FUNDC1: variants seen among roughly 807,000 people sequenced by gnomAD.
FUNDC1 encodes FUN14 domain-containing protein 1.
A neutral mutation model predicts 14.5 loss-of-function variants in FUNDC1; 10 were observed. The observed-to-expected ratio is 0.69, with a 90% CI of 0.43 to 1.17. The LOEUF (loss-of-function observed/expected upper bound fraction) is 1.17. Among genes scored for constraint, FUNDC1 ranks in the 50% most tolerant of loss-of-function variants. FUNDC1 has a pLI of 0.00. For missense variants in FUNDC1, 115 were observed against 113.8 expected, an observed-to-expected ratio of 1.01 and a Z score of -0.05; for synonymous variants, 33 against 39.7, an observed-to-expected ratio of 0.83 and a Z score of 0.64.
At chrX:44,535,543 G>A (rs998260852) in intron 3 of FUNDC1, among the ~76,000 whole-genome samples, 4 of 106,940 alleles carry the variant, frequency 3.7e-5, no homozygotes, top group Middle Eastern at 4.3e-3. Flanking sequence ...GGTGGCGGGC[G>A]CCTGTTGTCC....
rs758033443 is a variant in FUNDC1, at chrX:44,524,263, T to C, written c.403A>G (p.Ile135Val). ...CTGGATATCACAATGTTCTGCTTGATAAATTCTGTTGCCTGAAACAAAGTT... is the reference window on the plus strand; with the variant it reads ...CTGGATATCACAATGTTCTGCTTGACAAATTCTGTTGCCTGAAACAAAGTT... ...NNLIEEATEF[I>V]KQNIVISSGF... Residue 135 changes from isoleucine (I) to valine (V), a missense_variant, in exon 5 of 5, where the codon ATC (isoleucine) becomes GTC (valine). Transcript: ENST00000378045. 16 of 1,197,950 alleles carry C rather than the reference T, an allele frequency of 1.3e-5. No homozygotes were observed. The highest frequency in any genetic ancestry group is 1.1e-4 in the Admixed American group (5 of 45,788).
intron 2 of FUNDC1, among the ~76,000 whole-genome samples, chrX:44,541,443 A>T (rs2038971034): frequency 9.0e-6 from 1 of 111,623 alleles, no homozygotes; most frequent in Non-Finnish European, 1.9e-5. Flanking sequence ...AAGAGTTATC[A>T]TAATCTGAAC....
chrX:44,531,293 AGATGAAGATT>A lies in FUNDC1; in HGVS notation c.262-3938_262-3929del, dbSNP rs1569187061. Among the ~76,000 whole-genome samples, 45 of 39,634 alleles carry A rather than the reference AGATGAAGATT, an allele frequency of 1.1e-3. 3 individuals carry two copies. In the African/African-American group the frequency reaches 0.015, roughly 13 times the overall value. 34.4% of individuals were successfully genotyped at this position (39,634 alleles called of 115,157 possible). On this transcript the variant is annotated intron_variant, in intron 3 of 4. Transcript: ENST00000378045. ...ACACACACACACACACACGGCTTTC[AGATGAAGATT>A]CATGTTGGCCAGACACACACACACA...
At chrX:44,533,116 A>C (rs1235110795) in intron 3 of FUNDC1, among the ~76,000 whole-genome samples, 2 of 111,882 alleles carry the variant, frequency 1.8e-5, no homozygotes, top group Non-Finnish European at 3.8e-5. Context: ...TCTATCTTCG[A>C]ATTAGAGAAG....
intron 3 of FUNDC1, among the ~76,000 whole-genome samples, chrX:44,532,597 G>A (rs2038931075): frequency 1.9e-5 from 2 of 106,128 alleles, no homozygotes; most frequent in Non-Finnish European, 3.9e-5. Flanking sequence ...TTGTCACCCA[G>A]GCTGGCGTGC....
chrX:44,542,081 AGTC>A lies in FUNDC1; in HGVS notation c.46_48del (p.Asp16del). Reference sequence around the variant, plus strand: ...TCAGTTAAATCCAACACTTCATAAGAGTCGTCATCACTTTCATAGTCTTCAAAA... The same window carrying A: ...TCAGTTAAATCCAACACTTCATAAGAGTCATCACTTTCATAGTCTTCAAAA... On this transcript the variant is annotated inframe_deletion, in exon 2 of 5. Coordinates refer to ENST00000378045, the MANE Select transcript of FUNDC1 (RefSeq NM_173794.4). 2.5e-6 allele frequency: 3 copies of A among 1,198,933 alleles called. No homozygotes were observed. The highest frequency in any genetic ancestry group is 2.3e-6 in the Non-Finnish European group (2 of 887,672).
intron 3 of FUNDC1, among the ~76,000 whole-genome samples, chrX:44,535,902 C>T (rs1188352220): frequency 1.9e-5 from 2 of 106,479 alleles, no homozygotes; most frequent in Non-Finnish European, 3.9e-5. Flanking sequence ...AAGAGAATCG[C>T]TTGAACCCAG....
At chrX:44,528,869 T>A (rs1250734321) in intron 3 of FUNDC1, among the ~76,000 whole-genome samples, 1 of 110,816 alleles carries the variant, frequency 9.0e-6, no homozygotes. Context: ...GCTGATTTTT[T>A]GTTTTTTAGT....
chrX:44,529,795 G>C (rs762163991), intron 3 of FUNDC1, among the ~76,000 whole-genome samples: 1 of 110,948 alleles, frequency 9.0e-6, no homozygotes, highest in South Asian at 3.8e-4. Flanking sequence ...TTGAGAATCT[G>C]TTCCCTTGCA....
chrX:44,540,417 TGTGTGTG>T (rs1184128262), intron 2 of FUNDC1, among the ~76,000 whole-genome samples: 3 of 89,509 alleles, frequency 3.4e-5, no homozygotes, highest in African/African-American at 1.3e-4. Flanking sequence ...GTGTGTGTTG[TGTGTGTG>T]TGTGTGTGTG....
At chrX:44,533,644 A>AC (rs2038935763) in intron 3 of FUNDC1, among the ~76,000 whole-genome samples, 2 of 105,446 alleles carry the variant, frequency 1.9e-5, no homozygotes, top group African/African-American at 7.2e-5. Context: ...AAAAAAAAAA[A>AC]AAAAACAACA....
At chrX:44,527,434 A>T in intron 3 of FUNDC1, 69 bp from the exon 4 acceptor site, 1 of 805,322 alleles carries the variant, frequency 1.2e-6, no homozygotes, top group East Asian at 3.5e-5. Context: ...AGCCAAGAAT[A>T]TATAAACACT....
intron 3 of FUNDC1, among the ~76,000 whole-genome samples, chrX:44,536,124 C>T (rs2038948124): frequency 9.1e-6 from 1 of 109,682 alleles, no homozygotes; most frequent in Non-Finnish European, 1.9e-5. Context: ...CCAGCCTGGC[C>T]AAGATGGTGA....
chrX:44,542,210 C>A, intron 1 of FUNDC1, 109 bp from the exon 2 acceptor site: 1 of 552,525 alleles, frequency 1.8e-6, no homozygotes, highest in Admixed American at 4.0e-5. Context: ...TGGCCTACAG[C>A]TAAAAATGCC....
intron 4 of FUNDC1, among the ~76,000 whole-genome samples, chrX:44,526,721 T>C (rs1212109528): frequency 9.0e-6 from 1 of 110,931 alleles, no homozygotes; most frequent in Non-Finnish European, 1.9e-5. Flanking sequence ...TTTAACTGGT[T>C]TGAATTTTTT....
rs761238209 is a variant in FUNDC1, at chrX:44,526,555, T to C, written c.390+682A>G. Among the ~76,000 whole-genome samples the C allele has an allele frequency of 1.3e-4, 14 of 110,776 alleles. No homozygotes were observed. In the South Asian group the frequency reaches 5.0e-3, roughly 40 times the overall value. On this transcript the variant is annotated intron_variant, in intron 4 of 4. Coordinates refer to ENST00000378045, the MANE Select transcript of FUNDC1 (RefSeq NM_173794.4). ...CTCTTAGAAGATACATACTGAAGTA[T>C]TTAGGGATGAAAAGTTATGACATCT...
At chrX:44,526,653 A>G (rs1233774420) in intron 4 of FUNDC1, among the ~76,000 whole-genome samples, 2 of 110,711 alleles carry the variant, frequency 1.8e-5, no homozygotes, top group Non-Finnish European at 3.8e-5. Context: ...CAAATCATGA[A>G]CAATTTGGTG....
At chrX:44,542,441 T>C (rs1225651044) in intron 1 of FUNDC1, 2 of 366,857 alleles carry the variant, frequency 5.5e-6, no homozygotes, top group Non-Finnish European at 9.3e-6. Context: ...TTTTCATCAG[T>C]GGGAGGAATG....
intron 3 of FUNDC1, among the ~76,000 whole-genome samples, chrX:44,537,151 C>A (rs371557348): frequency 1.8e-5 from 2 of 111,752 alleles, no homozygotes; most frequent in Non-Finnish European, 3.8e-5. Flanking sequence ...TCAAAGACTA[C>A]GTGTACTAAA....
Sources: allele counts gnomAD v4.1 joint callset (sites outside exome capture counted in the v4.1 genomes callset), GRCh38; gene constraint gnomAD v4.1.1; transcripts MANE v1.5; gene names NCBI Gene and HGNC (gene_info 2026-07-23, HGNC 2026-07-21).